The following BTBD9 variants were observed in gnomAD, a reference collection of about 807,000 sequenced individuals.
The protein encoded by BTBD9 is BTB domain containing 9.
A neutral mutation model predicts 64.3 loss-of-function variants in BTBD9; 49 were observed. The observed-to-expected ratio is 0.76, with a 90% CI of 0.61 to 0.97. BTBD9 has a LOEUF of 0.97. Among genes scored for constraint, BTBD9 ranks in the 50% least tolerant of loss-of-function variants. The pLI, the probability that BTBD9 is intolerant of heterozygous loss-of-function variation, is 0.00. For synonymous variants in BTBD9, 260 were observed against 274.7 expected, an observed-to-expected ratio of 0.95 and a Z score of 0.53; for missense variants, 598 against 762.1, an observed-to-expected ratio of 0.78 and a Z score of 2.53.
chr6:38,560,685 C>T (rs547164877), intron 6 of BTBD9, among the ~76,000 whole-genome samples: 57 of 152,108 alleles, frequency 3.7e-4, no homozygotes, highest in African/African-American at 1.3e-3. Context: ...CACCTAGGTA[C>T]CCATTATAGT....
At chr6:38,455,606 T>A (rs1769760264) in intron 6 of BTBD9, among the ~76,000 whole-genome samples, 1 of 152,252 alleles carries the variant, frequency 6.6e-6, no homozygotes, top group Non-Finnish European at 1.5e-5. Context: ...AATTCCTTTT[T>A]ATTGTGAGTA....
intron 1 of BTBD9, among the ~76,000 whole-genome samples, chr6:38,627,996 T>C (rs1562441497): frequency 6.6e-6 from 1 of 152,202 alleles, no homozygotes; most frequent in Non-Finnish European, 1.5e-5. Flanking sequence ...TAAGCAATTC[T>C]ATTCCATATA....
intron 6 of BTBD9, among the ~76,000 whole-genome samples, chr6:38,435,632 T>TCCTC (rs1318417179): frequency 2.5e-4 from 3 of 11,846 alleles, no homozygotes; most frequent in Non-Finnish European, 5.0e-4. Context: ...CTCCCTCCCT[T>TCCTC]CCTCCCTCCC....
chr6:38,352,024 T>C (rs906598765), intron 6 of BTBD9, among the ~76,000 whole-genome samples: 10 of 152,192 alleles, frequency 6.6e-5, no homozygotes, highest in Non-Finnish European at 1.5e-4. Context: ...CCTGCAAATA[T>C]ACCATACGAT....
intron 6 of BTBD9, among the ~76,000 whole-genome samples, chr6:38,409,015 C>T (rs915187746): frequency 3.0e-4 from 45 of 152,226 alleles, no homozygotes; most frequent in African/African-American, 1.0e-3. Context: ...TTTGGGAGGC[C>T]GAGGCAGGTG....
intron 6 of BTBD9, among the ~76,000 whole-genome samples, chr6:38,441,364 G>T (rs1291486640): frequency 6.6e-6 from 1 of 152,124 alleles, no homozygotes; most frequent in African/African-American, 2.4e-5. Flanking sequence ...TTTGAATACA[G>T]AATCCTATAT....
chr6:38,525,160 T>C (rs1773429392), intron 6 of BTBD9, among the ~76,000 whole-genome samples: 1 of 152,152 alleles, frequency 6.6e-6, no homozygotes, highest in South Asian at 2.1e-4. Context: ...AGAAAGTTAG[T>C]TGGATCACAG....
At chr6:38,181,973 C>A (rs968055781) in intron 10 of BTBD9, among the ~76,000 whole-genome samples, 1 of 151,672 alleles carries the variant, frequency 6.6e-6, no homozygotes, top group Non-Finnish European at 1.5e-5. Context: ...GGAGACAGAG[C>A]GAGACTCTGT....
At chr6:38,288,509 TA>T in intron 7 of BTBD9, 48 bp from the exon 8 acceptor site, 2 of 1,503,026 alleles carry the variant, frequency 1.3e-6, no homozygotes, top group South Asian at 2.3e-5. Context: ...AGAAGCCAAA[TA>T]TATCTCTATA....
chr6:38,263,230 T>C (rs528584801), intron 8 of BTBD9, among the ~76,000 whole-genome samples: 2 of 152,226 alleles, frequency 1.3e-5, no homozygotes, highest in Non-Finnish European at 2.9e-5. Context: ...TCAAAAAATA[T>C]TTACTGAATA....
intron 4 of BTBD9, among the ~76,000 whole-genome samples, chr6:38,586,924 G>A (rs948259141): frequency 3.3e-5 from 5 of 151,994 alleles, no homozygotes; most frequent in Non-Finnish European, 5.9e-5. Context: ...TTAGCCAGGC[G>A]TGGTGGTGGG....
chr6:38,295,951 G>A (rs933639132), intron 7 of BTBD9, among the ~76,000 whole-genome samples: 7 of 152,170 alleles, frequency 4.6e-5, no homozygotes, highest in African/African-American at 1.7e-4. Flanking sequence ...GGGAGGCTGA[G>A]GCAGGAGAAT....
At chr6:38,606,604 T>C (rs2127507337) in intron 1 of BTBD9, among the ~76,000 whole-genome samples, 2 of 152,310 alleles carry the variant, frequency 1.3e-5, no homozygotes, top group Middle Eastern at 3.4e-3. Context: ...GTTGGATGTA[T>C]TAATCTGAAA....
chr6:38,370,583 A>G (rs1765376952), intron 6 of BTBD9, among the ~76,000 whole-genome samples: 1 of 152,348 alleles, frequency 6.6e-6, no homozygotes, highest in East Asian at 1.9e-4. Context: ...GAATCCACAC[A>G]CAAGTGACAA....
At chr6:38,438,189 A>AG (rs1768829476) in intron 6 of BTBD9, among the ~76,000 whole-genome samples, 1 of 127,744 alleles carries the variant, frequency 7.8e-6, no homozygotes, top group East Asian at 3.0e-4. Flanking sequence ...GGAAGGAAGG[A>AG]GGAAAGGAGG....
chr6:38,307,847 C>A (rs1309028759), intron 7 of BTBD9, among the ~76,000 whole-genome samples: 1 of 152,154 alleles, frequency 6.6e-6, no homozygotes, highest in Non-Finnish European at 1.5e-5. Flanking sequence ...CAAACACATG[C>A]AAATTTTATG....
chr6:38,340,441 C>G (rs1313757154), intron 7 of BTBD9, among the ~76,000 whole-genome samples: 2 of 152,086 alleles, frequency 1.3e-5, no homozygotes, highest in African/African-American at 4.8e-5. Context: ...ACTCAAAAAC[C>G]AATTTGAAGA....
intron 6 of BTBD9, among the ~76,000 whole-genome samples, chr6:38,473,165 G>A (rs1164078167): frequency 1.3e-5 from 2 of 152,138 alleles, no homozygotes; most frequent in Non-Finnish European, 2.9e-5. Context: ...GTCTTCAAGT[G>A]AAAATAAAAT....
intron 3 of BTBD9, among the ~76,000 whole-genome samples, chr6:38,593,120 GA>G (rs1396202268): frequency 1.3e-5 from 2 of 152,074 alleles, no homozygotes; most frequent in African/African-American, 4.8e-5. Flanking sequence ...ACAGCAAAAA[GA>G]AAAACGCCAA....
Sources: gnomAD v4.1 joint callset for allele counts (sites outside exome capture counted in the v4.1 genomes callset) on GRCh38, gnomAD v4.1.1 for gene constraint, MANE v1.5 for transcripts, NCBI Gene and HGNC (gene_info 2026-07-23, HGNC 2026-07-21) for gene names.